The following FMN2 variants were observed in gnomAD, a reference collection of about 807,000 sequenced individuals.
FMN2 encodes the protein formin-2.
In FMN2, 51 loss-of-function variants were observed where a neutral mutation model predicts 142.3. The observed-to-expected ratio is 0.36, with a 90% CI of 0.29 to 0.45. The LOEUF (loss-of-function observed/expected upper bound fraction) is 0.45. Ranked by LOEUF, FMN2 falls within the 20% of genes least tolerant of loss-of-function variation. The pLI is 1.00. For missense variants in FMN2, 1,936 were observed against 2,122.8 expected, an observed-to-expected ratio of 0.91 and a Z score of 1.73; for synonymous variants, 882 against 869.8, an observed-to-expected ratio of 1.01 and a Z score of -0.25.
At chr1:240,330,524 T>C in intron 10 of FMN2, 79 bp from the exon 11 acceptor site, 1 of 1,447,802 alleles carries the variant, frequency 6.9e-7, no homozygotes, top group Non-Finnish European at 9.4e-7. Flanking sequence ...ATAATATAAA[T>C]AGCTGGCATC....
At chr1:240,455,936 C>T (rs1439564539) in intron 16 of FMN2, among the ~76,000 whole-genome samples, 2 of 152,000 alleles carry the variant, frequency 1.3e-5, no homozygotes, top group African/African-American at 2.4e-5. Flanking sequence ...GATCACGCCA[C>T]TGCACTCCAG....
chr1:240,354,847 T>G (rs1672211829), intron 13 of FMN2, among the ~76,000 whole-genome samples: 1 of 152,118 alleles, frequency 6.6e-6, no homozygotes, highest in African/African-American at 2.4e-5. Context: ...TGGGGATTTT[T>G]TTGTTGTTGT....
chr1:240,320,597 A>G (rs1440828134), intron 8 of FMN2, among the ~76,000 whole-genome samples: 9 of 152,204 alleles, frequency 5.9e-5, no homozygotes, highest in Non-Finnish European at 1.2e-4. Flanking sequence ...GTTTCTGAAC[A>G]CTGTTCTTTA....
chr1:240,214,528 G>A (rs1277533355), intron 6 of FMN2, among the ~76,000 whole-genome samples: 35 of 147,262 alleles, frequency 2.4e-4, no homozygotes, highest in African/African-American at 8.9e-4. Context: ...TCCAGCCTGG[G>A]CAATAGAGTG....
chr1:240,139,568 C>T (rs368173433), intron 2 of FMN2, among the ~76,000 whole-genome samples: 1 of 151,846 alleles, frequency 6.6e-6, no homozygotes, highest in South Asian at 2.1e-4. Context: ...ATGATAAAGA[C>T]AAAAAAACAA....
intron 14 of FMN2, among the ~76,000 whole-genome samples, chr1:240,361,788 T>G (rs1290901381): frequency 6.6e-6 from 1 of 152,202 alleles, no homozygotes; most frequent in Admixed American, 6.5e-5. Flanking sequence ...GCAAGGTGAT[T>G]CTTGCATGGA....
Position 240,091,949 on chromosome 1 carries a change from C to G in FMN2, c.-161C>G. The G allele has an allele frequency of 8.1e-7, 1 of 1,228,544 alleles. No individual in the cohort carries two copies. Among genetic ancestry groups the G allele is most frequent in the Non-Finnish European group, 1.1e-6 (1 of 944,384 alleles). 76.1% of individuals were successfully genotyped at this position (1,228,544 alleles called of 1,614,324 possible). The stretch of plus-strand genomic sequence containing the variant: ...GCATTATGCAAAGCGGCGGCAGATG[C>G]GAGCGGGGCCAGCCGGGCGCGCGTC... On this transcript the variant is annotated 5_prime_UTR_variant, in exon 1 of 18. Transcript: ENST00000319653.
intron 7 of FMN2, among the ~76,000 whole-genome samples, chr1:240,263,147 A>G (rs904462308): frequency 4.6e-5 from 7 of 152,116 alleles, no homozygotes; most frequent in Non-Finnish European, 1.0e-4. Context: ...TCCCCCACAC[A>G]CAGATATATA....
intron 1 of FMN2, among the ~76,000 whole-genome samples, chr1:240,113,161 G>C (rs540048794): frequency 1.3e-5 from 2 of 152,150 alleles, no homozygotes; most frequent in South Asian, 4.2e-4. Context: ...GGGGACTGGG[G>C]GATACCTTGA....
intron 6 of FMN2, among the ~76,000 whole-genome samples, chr1:240,223,197 G>A (rs569853226): frequency 3.3e-4 from 50 of 152,178 alleles, no homozygotes; most frequent in Admixed American, 9.8e-4. Context: ...AGCATAAAGC[G>A]GTGCTGAATT....
intron 16 of FMN2, among the ~76,000 whole-genome samples, chr1:240,468,517 C>A (rs1216780678): frequency 5.9e-5 from 9 of 152,110 alleles, no homozygotes; most frequent in Admixed American, 5.9e-4. Flanking sequence ...ATGGTGATTG[C>A]GTTCTCACTC....
chr1:240,241,283 G>C (rs7516966), intron 6 of FMN2, among the ~76,000 whole-genome samples: 2 of 146,376 alleles, frequency 1.4e-5, no homozygotes, highest in Non-Finnish European at 3.0e-5. Context: ...AAATGTTTCA[G>C]CTTTTTCTAA....
intron 3 of FMN2, among the ~76,000 whole-genome samples, chr1:240,183,053 A>G (rs2103333689): frequency 6.6e-6 from 1 of 151,640 alleles, no homozygotes; most frequent in East Asian, 1.9e-4. Context: ...AAGTGCTGGG[A>G]TTACAGGTGT....
At chr1:240,294,728 C>T in intron 7 of FMN2, 94 bp from the exon 8 acceptor site, 4 of 1,123,506 alleles carry the variant, frequency 3.6e-6, no homozygotes, top group Non-Finnish European at 5.4e-6. Context: ...CCTGCTCCCT[C>T]TGGCTGCTGA....
At chr1:240,099,423 G>T (rs371680087) in intron 1 of FMN2, among the ~76,000 whole-genome samples, 2 of 151,400 alleles carry the variant, frequency 1.3e-5, no homozygotes, top group Middle Eastern at 3.2e-3. Context: ...GATAAGAAAA[G>T]CATATGATGG....
At chr1:240,456,125 C>T (rs1035301346) in intron 16 of FMN2, among the ~76,000 whole-genome samples, 12 of 152,064 alleles carry the variant, frequency 7.9e-5, no homozygotes, top group African/African-American at 2.4e-4. Context: ...ATAATGGAGT[C>T]TACACACTTT....
At chr1:240,305,713 T>C (rs929821519) in intron 8 of FMN2, among the ~76,000 whole-genome samples, 7 of 152,216 alleles carry the variant, frequency 4.6e-5, no homozygotes, top group African/African-American at 1.7e-4. Context: ...AAGGAATGTG[T>C]CTATTGTGTA....
intron 16 of FMN2, chr1:240,471,908 G>A (rs911689020): frequency 5.8e-5 from 9 of 154,636 alleles, no homozygotes; most frequent in African/African-American, 2.2e-4. Context: ...GCATCCCAAA[G>A]TGCTGGGATT....
intron 1 of FMN2, among the ~76,000 whole-genome samples, chr1:240,109,214 A>G (rs1661718834): frequency 6.6e-6 from 1 of 152,342 alleles, no homozygotes; most frequent in Non-Finnish European, 1.5e-5. Flanking sequence ...AACCTTAGAC[A>G]TATGACTCAA....
Sources: gnomAD v4.1 joint callset for allele counts (sites outside exome capture counted in the v4.1 genomes callset) on GRCh38, gnomAD v4.1.1 for gene constraint, MANE v1.5 for transcripts, NCBI Gene and HGNC (gene_info 2026-07-23, HGNC 2026-07-21) for gene names.